Variants in HYDIN observed in about 807,000 individuals in gnomAD.
HYDIN encodes HYDIN axonemal central pair apparatus protein.
In HYDIN, 132 loss-of-function variants were observed where a neutral mutation model predicts 403.9. The observed-to-expected ratio is 0.33, with a 90% confidence interval of 0.28 to 0.38. HYDIN has a LOEUF of 0.38. HYDIN is among the 10% of genes least tolerant of loss of function. The probability of loss-of-function intolerance (pLI) is 1.00; values close to 1 mark genes in which losing one functional copy is unlikely to be tolerated. For synonymous variants in HYDIN, 1,202 were observed against 1,891.7 expected, an observed-to-expected ratio of 0.64 and a Z score of 9.46; for missense variants, 2,827 against 5,009.5, an observed-to-expected ratio of 0.56 and a Z score of 13.15.
chr16:70,820,838 G>A (rs1275153613), intron 83 of HYDIN, among the ~76,000 whole-genome samples: 7 of 151,992 alleles, frequency 4.6e-5, no homozygotes, highest in East Asian at 1.9e-4. Context: ...TAGTAGAGAC[G>A]GGGTTTCACC....
At chr16:70,943,696 C>T (rs2077751589) in intron 42 of HYDIN, 116 bp downstream of exon 42, 2 of 1,390,110 alleles carry the variant, frequency 1.4e-6, no homozygotes, top group South Asian at 1.5e-5. Context: ...CAAACGACTG[C>T]CTTCCGGGCT....
intron 84 of HYDIN, among the ~76,000 whole-genome samples, chr16:70,817,725 CTATTTTATTTTAT>C (rs1039969498): frequency 3.3e-5 from 5 of 152,104 alleles, no homozygotes; most frequent in East Asian, 1.9e-4. Flanking sequence ...CTATTCTATA[CTATTTTATTTTAT>C]TATTTTATTT....
rs546914825 is a variant in HYDIN at position 70,948,611 on chromosome 16, G to GA, written c.6531+3809dup. 1.8e-4 allele frequency among the ~76,000 whole-genome samples: 28 copies of GA among 151,584 alleles called. No homozygotes were observed. The South Asian group carries it at 4.6e-3, about 25-fold the overall frequency. ...ATAATGAACTCAAACAAATTTACAA[G>GA]AAAAAAACAAACAACCCCATCAAAA... On this transcript the variant is annotated intron_variant, in intron 41 of 85. Transcript: ENST00000393567.
rs534888056 is a variant in HYDIN at position 70,955,320 on chromosome 16, G to A, written c.6316+55C>T. 1,048 of 1,168,958 alleles carry A rather than the reference G, an allele frequency of 9.0e-4. 2 individuals are homozygous for A. Among genetic ancestry groups the A allele is most frequent in the South Asian group, 5.3e-3 (351 of 66,052 alleles). The allele number at this position is 1,168,958 out of a possible 1,614,324, so 72.4% of individuals were successfully genotyped here. On this transcript the variant is annotated intron_variant, in intron 40 of 85. Coordinates refer to ENST00000393567, the MANE Select transcript of HYDIN (RefSeq NM_001270974.2). ...GTGGGGCACAGAGAAGATGGGTGTT[G>A]TCAGTGGGGGTGTTGGTGACTTGAC...
intron 36 of HYDIN, among the ~76,000 whole-genome samples, chr16:70,967,727 C>T (rs987703010): frequency 2.0e-5 from 3 of 152,154 alleles, no homozygotes; most frequent in East Asian, 1.9e-4. Flanking sequence ...ACCTTGTGAT[C>T]CACCCGCCTT....
intron 45 of HYDIN, among the ~76,000 whole-genome samples, chr16:70,932,537 A>G (rs2077375203): frequency 6.6e-6 from 1 of 151,932 alleles, no homozygotes; most frequent in Admixed American, 6.6e-5. Flanking sequence ...AATCTATGGT[A>G]TGTGAGATGG....
chr16:70,967,011 A>G (rs1332820613), intron 36 of HYDIN, among the ~76,000 whole-genome samples: 1 of 151,768 alleles, frequency 6.6e-6, no homozygotes, highest in Admixed American at 6.6e-5. Flanking sequence ...TTAACTGGAA[A>G]TAAAATCATT....
intron 13 of HYDIN, among the ~76,000 whole-genome samples, chr16:71,075,462 C>T (rs16943745): frequency 0.03 from 4,499 of 150,808 alleles, 209 homozygotes; most frequent in African/African-American, 0.1. Context: ...TTGGAGCATG[C>T]GTACCTGGTT....
rs776178306 is a variant in HYDIN, at chr16:70,992,149, C to A, written c.3706G>T (p.Ala1236Ser). ...APVSQMESIPATSEAASPPAI... is the reference protein window; with the variant it reads ...APVSQMESIPSTSEAASPPAI... ...GGTGGGCTGGCAGCCTCTGAGGTTG[C>A]TGGGATGGACTCCATCTGGGACACT... is the stretch of plus-strand genomic sequence containing the variant. Residue 1236 changes from alanine to serine, a missense_variant, in exon 24 of 86, where the codon GCA becomes TCA. Ala to Ser is a moderately conservative substitution (Grantham distance 99, BLOSUM62 1). Transcript: ENST00000393567. 1.2e-6 allele frequency: 2 copies of A among 1,611,618 alleles called. No homozygotes were observed. The highest frequency in any genetic ancestry group is 1.7e-6 in the Non-Finnish European group (2 of 1,178,958).
chr16:70,904,478 C>CTTTTTTTTTTTTTTTTT lies in HYDIN; in HGVS notation c.8517-431_8517-415dup, dbSNP rs76148650. On this transcript the variant is annotated intron_variant, in intron 50 of 85. Transcript: ENST00000393567. Reference sequence around the variant, plus strand: ...CTGAGAGAGATTATCACTTGAGTAACTTTTTTTTTTTTTTTTTTTTTTTTT... The same window carrying CTTTTTTTTTTTTTTTTT: ...CTGAGAGAGATTATCACTTGAGTAACTTTTTTTTTTTTTTTTTTTTTTTTTTTTTTTTTTTTTTTTTT... Among the ~76,000 whole-genome samples, 2 of 25,218 alleles carry CTTTTTTTTTTTTTTTTT rather than the reference C, an allele frequency of 7.9e-5. 1 individual carries two copies. The allele number at this position is 25,218 out of a possible 152,430, so 16.5% of individuals were successfully genotyped here.
intron 17 of HYDIN, among the ~76,000 whole-genome samples, chr16:71,061,861 AGTGTGTGTGTGT>A (rs66689823): frequency 2.1e-5 from 3 of 144,018 alleles, no homozygotes; most frequent in Admixed American, 2.1e-4. Flanking sequence ...CATGTGTGAC[AGTGTGTGTGTGT>A]GTGTGTGTGT....
At position 70,991,354 on chromosome 16, in the gene HYDIN, T is replaced by C; in HGVS notation, c.3828A>G (p.Glu1276=). 1 of 1,614,088 alleles carries C rather than the reference T, an allele frequency of 6.2e-7. No individual in the cohort carries two copies. Among genetic ancestry groups the C allele is most frequent in the Non-Finnish European group, 8.5e-7 (1 of 1,179,980 alleles). The stretch of plus-strand genomic sequence containing the variant: ...CACTGGAAGCTTTCGTTTTTCTTAG[T>C]TCTTTTTCTTCAGGCCTGGCATCTT... The part of the protein sequence containing the change: ...VDEDARPEEK[E]LRKTKASSVI... Residue 1276 remains glutamate, a synonymous_variant, in exon 25 of 86, where the codon GAA becomes GAG. Coordinates refer to ENST00000393567, the MANE Select transcript of HYDIN (RefSeq NM_001270974.2).
In HYDIN at chr16:70,901,167, G is replaced by A. The variant is rs747170294; in HGVS notation, c.8885C>T (p.Thr2962Met). 7.3e-6 allele frequency: 7 copies of A among 961,172 alleles called. No individual in the cohort carries two copies. The highest frequency in any genetic ancestry group is 1.1e-5 in the Non-Finnish European group (7 of 638,890). The allele number at this position is 961,172 out of a possible 1,614,324, so 59.5% of individuals were successfully genotyped here. A position where few individuals can be genotyped will look rare whatever the true frequency, so the allele number is the denominator to read the frequency against. ...ESRVVLLRNV[T>M]LLPVAWRITS... Reference sequence around the variant, plus strand: ...GATCCGCCAGGCCACAGGCAGGAGCGTGACATTGCGGAGAAGAACTACCCT... The same window carrying A: ...GATCCGCCAGGCCACAGGCAGGAGCATGACATTGCGGAGAAGAACTACCCT... The change falls in exon 53 of 86, where the codon ACG becomes ATG. Residue 2962 changes from threonine (T) to methionine (M), a missense_variant. Thr to Met is a moderately conservative substitution (Grantham distance 81). Transcript: ENST00000393567.
At position 70,879,488 on chromosome 16, in the gene HYDIN, T is replaced by C. The variant is rs2040646005; in HGVS notation, c.10368-2A>G. The C allele has an allele frequency of 1.9e-6, 3 of 1,613,712 alleles. No homozygotes were observed. Among genetic ancestry groups the C allele is most frequent in the Admixed American group, 1.7e-5 (1 of 59,990 alleles). ...AGGCCTCGGCTCTTGGCCAGGGTGC[T>C]GTAGGGGACAGGAAGATTGTAGCCT... On this transcript the variant is annotated splice_acceptor_variant, in intron 61 of 85. Coordinates refer to ENST00000393567, the MANE Select transcript of HYDIN (RefSeq NM_001270974.2). LOFTEE classifies it high-confidence loss of function.
chr16:70,868,702 G>A lies in HYDIN; in HGVS notation c.11178C>T (p.Ile3726=). Residue 3726 remains isoleucine, a synonymous_variant, in exon 66 of 86, where the codon ATC becomes ATT. Transcript: ENST00000393567. ...ACATAATCCTGGAGAGCTTGCACCTGATCCGCATATTCTTTAGGTTGATGG... is the reference window on the plus strand; with the variant it reads ...ACATAATCCTGGAGAGCTTGCACCTAATCCGCATATTCTTTAGGTTGATGG... ...DVPINLKNMR[I]RCKLSRIMFQ... is the part of the protein sequence containing the mutation. 6 of 1,614,138 alleles carry A rather than the reference G, an allele frequency of 3.7e-6. No individual in the cohort carries two copies. The highest frequency in any genetic ancestry group is 5.1e-6 in the Non-Finnish European group (6 of 1,180,020).
chr16:70,919,538 C>T (rs1051457211), intron 46 of HYDIN, among the ~76,000 whole-genome samples: 3 of 152,130 alleles, frequency 2.0e-5, no homozygotes, highest in Non-Finnish European at 4.4e-5. Flanking sequence ...CATCCCTGAC[C>T]TGCCACATAT....
At chr16:71,222,175 G>T (rs2144761427) in intron 1 of HYDIN, among the ~76,000 whole-genome samples, 1 of 152,244 alleles carries the variant, frequency 6.6e-6, no homozygotes, top group African/African-American at 2.4e-5. Context: ...TGCAGGGATG[G>T]TTTAATATAC....
chr16:71,017,141 A>T (rs1374317812), intron 23 of HYDIN, among the ~76,000 whole-genome samples: 1 of 151,168 alleles, frequency 6.6e-6, no homozygotes, highest in East Asian at 1.9e-4. Context: ...AGAGTTCGAG[A>T]CCAGCCTGGC....
chr16:71,230,035 C>T (rs1398632341), intron 1 of HYDIN, among the ~76,000 whole-genome samples: 1 of 152,158 alleles, frequency 6.6e-6, no homozygotes, highest in Non-Finnish European at 1.5e-5. Flanking sequence ...TGCCTGCCGC[C>T]ATATAAGACA....
Sources: gnomAD v4.1 joint callset for allele counts (sites outside exome capture counted in the v4.1 genomes callset) on GRCh38, gnomAD v4.1.1 for gene constraint, MANE v1.5 for transcripts, NCBI Gene and HGNC (gene_info 2026-07-23, HGNC 2026-07-21) for gene names.